The following SMAD6 variants were observed in gnomAD, a reference collection of about 807,000 sequenced individuals.
SMAD6 encodes SMAD family member 6, also known as MAD homolog 6.
In SMAD6, 103 loss-of-function variants were observed where a neutral mutation model predicts 39.4. The ratio of observed to expected loss-of-function variants is 2.62; its 90% CI spans 2.23 to 3.08. The LOEUF is 3.08. Among genes scored for constraint, SMAD6 ranks in the 30% most tolerant of loss-of-function variants. The pLI is 0.00. For missense variants in SMAD6, 1,104 were observed against 742.9 expected, an observed-to-expected ratio of 1.49 and a Z score of -5.65; for synonymous variants, 445 against 353.3, an observed-to-expected ratio of 1.26 and a Z score of -2.91.
chr15:66,708,598 A>G (rs1893166165), intron 1 of SMAD6: 2 of 403,982 alleles, frequency 5.0e-6, no homozygotes, highest in African/African-American at 2.1e-5. Flanking sequence ...ATGAAAAAGA[A>G]CGAAGTCCAG....
At chr15:66,756,974 C>T (rs766921030) in intron 3 of SMAD6, among the ~76,000 whole-genome samples, 6 of 152,166 alleles carry the variant, frequency 3.9e-5, no homozygotes, top group African/African-American at 9.7e-5. Context: ...CTACCTGAGA[C>T]GGTTGTGGTG....
chr15:66,720,180 G>A (rs1893406683), intron 3 of SMAD6, among the ~76,000 whole-genome samples: 1 of 152,058 alleles, frequency 6.6e-6, no homozygotes, highest in South Asian at 2.1e-4. Context: ...GGGGAGGAAA[G>A]GAAGAGAAGC....
intron 3 of SMAD6, among the ~76,000 whole-genome samples, chr15:66,774,116 G>T (rs1423028533): frequency 1.3e-5 from 2 of 152,210 alleles, no homozygotes; most frequent in East Asian, 3.8e-4. Flanking sequence ...GCACAACGCT[G>T]GTTCCTTCAG....
chr15:66,768,111 A>G (rs978044609), intron 3 of SMAD6, among the ~76,000 whole-genome samples: 3 of 151,904 alleles, frequency 2.0e-5, no homozygotes, highest in African/African-American at 4.8e-5. Context: ...CTGGGGGACT[A>G]CAGGTGCATG....
chr15:66,742,991 G>A (rs765236284), intron 3 of SMAD6, among the ~76,000 whole-genome samples: 1 of 152,118 alleles, frequency 6.6e-6, no homozygotes, highest in East Asian at 1.9e-4. Flanking sequence ...GGTGGTCCGT[G>A]CCCTGACCGT....
intron 3 of SMAD6, among the ~76,000 whole-genome samples, chr15:66,749,820 C>T (rs974673980): frequency 6.6e-6 from 1 of 152,136 alleles, no homozygotes; most frequent in Non-Finnish European, 1.5e-5. Flanking sequence ...AGGACTGACC[C>T]CAGGTGGCAC....
Position 66,781,279 on chromosome 15 carries a change from T to C in SMAD6, c.1235T>C (p.Val412Ala). The C allele has an allele frequency of 3.1e-6, 5 of 1,607,034 alleles. No homozygotes were observed. Among genetic ancestry groups the C allele is most frequent in the Non-Finnish European group, 4.2e-6 (5 of 1,178,644 alleles). Reference protein sequence around the residue: ...AYNRGEHPIFVNSPTLDAPGG... With the variant: ...AYNRGEHPIFANSPTLDAPGG... Reference sequence around the variant, plus strand: ...AACCGCGGCGAGCACCCCATCTTCGTCAACTCCCCGACGCTGGACGCGCCC... The same window carrying C: ...AACCGCGGCGAGCACCCCATCTTCGCCAACTCCCCGACGCTGGACGCGCCC... The change falls in exon 4 of 4, where the codon GTC (valine) becomes GCC (alanine). Residue 412 changes from valine to alanine, a missense_variant. By Grantham distance (64) the Val-to-Ala change is moderately conservative. Coordinates refer to ENST00000288840, the MANE Select transcript of SMAD6 (RefSeq NM_005585.5).
chr15:66,767,168 C>G (rs573317288), intron 3 of SMAD6, among the ~76,000 whole-genome samples: 1 of 152,202 alleles, frequency 6.6e-6, no homozygotes, highest in Non-Finnish European at 1.5e-5. Flanking sequence ...GTCACCAAAC[C>G]TCTGTGAGCT....
rs1323631109 is a variant in SMAD6 at position 66,716,427 on chromosome 15, C to T, written c.881C>T (p.Ser294Phe). 3.1e-6 allele frequency: 5 copies of T among 1,612,392 alleles called. No homozygotes were observed. Among genetic ancestry groups the T allele is most frequent in the Non-Finnish European group, 4.2e-6 (5 of 1,178,474 alleles). Residue 294 changes from serine (S) to phenylalanine (F), a missense_variant, in exon 3 of 4, where the codon TCC becomes TTC. Physicochemically the swap from Ser to Phe is radical, Grantham distance 155 (BLOSUM62 -2). Transcript: ENST00000288840. ...PRDEYKPLDL[S>F]DSTLSYTETE... ...TTTTTCTTTCCTCCCACAGATCTGT[C>T]CGATTCCACATTGTCTTACACTGAA...
intron 3 of SMAD6, among the ~76,000 whole-genome samples, chr15:66,719,245 A>G (rs531321402): frequency 6.6e-6 from 1 of 152,356 alleles, no homozygotes; most frequent in South Asian, 2.1e-4. Flanking sequence ...CCAGTGTTCT[A>G]CAACAAGTAT....
At chr15:66,728,626 C>T (rs140475739) in intron 3 of SMAD6, among the ~76,000 whole-genome samples, 25 of 152,158 alleles carry the variant, frequency 1.6e-4, no homozygotes, top group African/African-American at 3.6e-4. Context: ...AGGCTGGTCT[C>T]GAACTCCTGA....
intron 3 of SMAD6, among the ~76,000 whole-genome samples, chr15:66,733,342 GTTTTGATTGGGATTGCATTGAAT>G (rs1893662578): frequency 6.6e-6 from 1 of 152,156 alleles, no homozygotes; most frequent in African/African-American, 2.4e-5. Context: ...GCCTGCTAGG[GTTTTGATTGGGATTGCATTGAAT>G]CTGTTGATGA....
At chr15:66,715,305 G>T (rs1893307133) in intron 2 of SMAD6, among the ~76,000 whole-genome samples, 1 of 142,534 alleles carries the variant, frequency 7.0e-6, no homozygotes, top group South Asian at 2.2e-4. Context: ...AAAAAAAAAG[G>T]CCAAATTGGT....
At chr15:66,730,862 TTGAACC>T (rs1893615024) in intron 3 of SMAD6, among the ~76,000 whole-genome samples, 1 of 152,206 alleles carries the variant, frequency 6.6e-6, no homozygotes, top group African/African-American at 2.4e-5. Flanking sequence ...GAGCTGGGGT[TTGAACC>T]CAGGCCTGCC....
At chr15:66,704,321 C>T (rs1267137949) in intron 1 of SMAD6, 1 of 363,800 alleles carries the variant, frequency 2.7e-6, no homozygotes, top group African/African-American at 2.1e-5. Context: ...TCGTAGTTTT[C>T]TCTGTGCAGT....
chr15:66,711,899 C>G (rs1339191079), intron 2 of SMAD6, among the ~76,000 whole-genome samples, 175 bp downstream of exon 2: 1 of 151,958 alleles, frequency 6.6e-6, no homozygotes, highest in Non-Finnish European at 1.5e-5. Flanking sequence ...CACAGTTGGG[C>G]CAAAGCAGAC....
At chr15:66,715,138 T>C (rs766470224) in intron 2 of SMAD6, among the ~76,000 whole-genome samples, 2 of 151,996 alleles carry the variant, frequency 1.3e-5, no homozygotes, top group Admixed American at 1.3e-4. Context: ...TCCCGCGTTA[T>C]TTTTTGGTAT....
chr15:66,732,219 A>C (rs2140626449), intron 3 of SMAD6, among the ~76,000 whole-genome samples: 1 of 152,204 alleles, frequency 6.6e-6, no homozygotes, highest in Middle Eastern at 3.4e-3. Flanking sequence ...GGGATTACAG[A>C]CATGAGCCAC....
intron 3 of SMAD6, among the ~76,000 whole-genome samples, chr15:66,770,209 A>G (rs555949645): frequency 1.5e-3 from 222 of 151,864 alleles, no homozygotes; most frequent in Non-Finnish European, 2.2e-3. Flanking sequence ...GGCTGTCCCT[A>G]TCTGAACCCC....
Sources: allele counts gnomAD v4.1 joint callset (sites outside exome capture counted in the v4.1 genomes callset), GRCh38; gene constraint gnomAD v4.1.1; transcripts MANE v1.5; gene names NCBI Gene and HGNC (gene_info 2026-07-23, HGNC 2026-07-21).